Variants in SLCO1B1 observed in about 807,000 individuals in gnomAD.
SLCO1B1 encodes the protein OATP-2.
In SLCO1B1, 81 loss-of-function variants were observed where a neutral mutation model predicts 70.1. The ratio of observed to expected loss-of-function variants is 1.16; its 90% CI spans 0.97 to 1.39. The LOEUF (loss-of-function observed/expected upper bound fraction) is 1.39. Among genes scored for constraint, SLCO1B1 ranks in the 40% most tolerant of loss-of-function variants. The pLI, the probability that SLCO1B1 is intolerant of heterozygous loss-of-function variation, is 0.00. For synonymous variants in SLCO1B1, 283 were observed against 271.5 expected, an observed-to-expected ratio of 1.04 and a Z score of -0.42; for missense variants, 895 against 799.6, an observed-to-expected ratio of 1.12 and a Z score of -1.44.
chr12:21,180,952 GA>G (rs1940888517), intron 7 of SLCO1B1, among the ~76,000 whole-genome samples: 1 of 152,148 alleles, frequency 6.6e-6, no homozygotes, highest in South Asian at 2.1e-4. Flanking sequence ...TGATGAGTAT[GA>G]GCTTCACTTA....
intron 14 of SLCO1B1, among the ~76,000 whole-genome samples, chr12:21,228,913 G>A (rs1941505553): frequency 6.6e-6 from 1 of 151,662 alleles, no homozygotes; most frequent in African/African-American, 2.4e-5. Context: ...ACCCTCTTTG[G>A]GACTTACCAC....
intron 2 of SLCO1B1, among the ~76,000 whole-genome samples, chr12:21,154,595 T>C (rs186751043): frequency 2.4e-3 from 370 of 152,248 alleles, no homozygotes; most frequent in Admixed American, 3.2e-3. Flanking sequence ...TATGATGCTA[T>C]CTGGATTTTC....
chr12:21,202,520 G>A lies in SLCO1B1; in HGVS notation c.1165G>A (p.Gly389Arg). 1 of 1,604,262 alleles carries A rather than the reference G, an allele frequency of 6.2e-7. No individual in the cohort carries two copies. The highest frequency in any genetic ancestry group is 8.5e-7 in the Non-Finnish European group (1 of 1,176,248). Residue 389 changes from glycine (G) to arginine (R), a missense_variant, in exon 10 of 15, where the codon GGA (glycine) becomes AGA (arginine). Coordinates refer to ENST00000256958, the MANE Select transcript of SLCO1B1 (RefSeq NM_006446.5). ...CATAACCATACCTATTTTTGCAAGT[G>A]GAATGTTTTTAGGAGGATATATCAT... The part of the protein sequence containing the change: ...GVITIPIFAS[G>R]MFLGGYIIKK...
At chr12:21,161,785 A>G (rs1159290663) in intron 2 of SLCO1B1, among the ~76,000 whole-genome samples, 1 of 152,184 alleles carries the variant, frequency 6.6e-6, no homozygotes, top group African/African-American at 2.4e-5. Context: ...AGGTGGGCGA[A>G]TCACTTGAGG....
At chr12:21,165,490 G>T (rs1179651792) in intron 2 of SLCO1B1, among the ~76,000 whole-genome samples, 2 of 152,004 alleles carry the variant, frequency 1.3e-5, no homozygotes, top group African/African-American at 4.8e-5. Context: ...CCCAAGCTTA[G>T]AACAAGGCAA....
At chr12:21,139,245 T>C (rs1361082927) in intron 1 of SLCO1B1, among the ~76,000 whole-genome samples, 2 of 152,060 alleles carry the variant, frequency 1.3e-5, no homozygotes, top group Non-Finnish European at 1.5e-5. Context: ...TAGAAACAGA[T>C]ATTCATGGAA....
intron 14 of SLCO1B1, among the ~76,000 whole-genome samples, chr12:21,237,682 A>G (rs1405271979): frequency 6.6e-6 from 1 of 151,918 alleles, no homozygotes; most frequent in Non-Finnish European, 1.5e-5. Context: ...AATCTGTGAT[A>G]TAGTGTCTGA....
Position 21,180,619 on chromosome 12 carries a change from C to G in SLCO1B1, c.727+1599C>G, listed in dbSNP as rs137855662. 2.0e-4 allele frequency among the ~76,000 whole-genome samples: 31 copies of G among 152,274 alleles called. No homozygotes were observed. The East Asian group carries it at 5.8e-3, about 28-fold the overall frequency. On this transcript the variant is annotated intron_variant, in intron 7 of 14. Coordinates refer to ENST00000256958, the MANE Select transcript of SLCO1B1 (RefSeq NM_006446.5). ...TTCATTTCCAAGATGGGATAGACAT[C>G]ACAGTGGGCCAGCAACAGCCAAAAA...
chr12:21,174,486 C>G, intron 3 of SLCO1B1, 91 bp from the exon 4 acceptor site: 1 of 1,262,188 alleles, frequency 7.9e-7, no homozygotes, highest in Non-Finnish European at 1.1e-6. Flanking sequence ...GGCACTATGT[C>G]TTGGACTCTA....
chr12:21,204,378 T>G (rs1433971501), intron 10 of SLCO1B1, among the ~76,000 whole-genome samples: 1 of 152,016 alleles, frequency 6.6e-6, no homozygotes, highest in Non-Finnish European at 1.5e-5. Flanking sequence ...TATGTACTTT[T>G]GTGTATTAAA....
chr12:21,172,130 A>G (rs1940761903), intron 2 of SLCO1B1, among the ~76,000 whole-genome samples: 1 of 152,218 alleles, frequency 6.6e-6, no homozygotes, highest in Non-Finnish European at 1.5e-5. Context: ...TTTTATTAAC[A>G]TGAAATTGAC....
intron 1 of SLCO1B1, among the ~76,000 whole-genome samples, chr12:21,133,243 G>A (rs1940167438): frequency 6.6e-6 from 1 of 152,014 alleles, no homozygotes; most frequent in Non-Finnish European, 1.5e-5. Flanking sequence ...TAGCCTTGTA[G>A]TATAGTTTGA....
In SLCO1B1 at chr12:21,201,485, G is replaced by A. The variant is rs116568444; in HGVS notation, c.1135+813G>A. On this transcript the variant is annotated intron_variant, in intron 9 of 14. Coordinates refer to ENST00000256958, the MANE Select transcript of SLCO1B1 (RefSeq NM_006446.5). ...TCTTATTAGACAAAGATATGGAAAA[G>A]TTATAGGAGGGATTAAACATTATTA... Among the ~76,000 whole-genome samples the A allele has an allele frequency of 6.0e-3, 912 of 152,256 alleles. 14 individuals are homozygous for A. Among genetic ancestry groups the A allele is most frequent in the African/African-American group, 0.021 (885 of 41,566 alleles).
At chr12:21,214,993 C>T (rs1225949305) in intron 11 of SLCO1B1, among the ~76,000 whole-genome samples, 1 of 152,116 alleles carries the variant, frequency 6.6e-6, no homozygotes, top group Admixed American at 6.5e-5. Context: ...AACCCGGTAC[C>T]TCAGATGGAA....
At chr12:21,153,051 A>G (rs930275593) in intron 2 of SLCO1B1, among the ~76,000 whole-genome samples, 4 of 152,142 alleles carry the variant, frequency 2.6e-5, no homozygotes, top group Non-Finnish European at 5.9e-5. Context: ...GTTTCTGTTC[A>G]TGAGTCTCTA....
At position 21,176,804 on chromosome 12, in the gene SLCO1B1, A is replaced by C. The variant is rs2306283; in HGVS notation, c.388A>C (p.Asn130His). Residue 130 changes from asparagine (N) to histidine (H), a missense_variant, in exon 5 of 15, where the codon AAT becomes CAT. Coordinates refer to ENST00000256958, the MANE Select transcript of SLCO1B1 (RefSeq NM_006446.5). ...CAGGTATTCTAAAGAAACTAATATC[A>C]ATTCATCAGAAAATTCAACATCGAC... is the stretch of plus-strand genomic sequence containing the variant. ...YYRYSKETNINSSENSTSTLS... is the reference protein window; with the variant it reads ...YYRYSKETNIHSSENSTSTLS... 2 of 1,524,148 alleles carry C rather than the reference A, an allele frequency of 1.3e-6. No individual in the cohort carries two copies. The highest frequency in any genetic ancestry group is 1.8e-6 in the Non-Finnish European group (2 of 1,099,600). The allele number at this position is 1,524,148 out of a possible 1,614,324, so 94.4% of individuals were successfully genotyped here. A position where few individuals can be genotyped will look rare whatever the true frequency, so the allele number is the denominator to read the frequency against.
chr12:21,235,725 A>G (rs1194263692), intron 14 of SLCO1B1, among the ~76,000 whole-genome samples: 1 of 152,032 alleles, frequency 6.6e-6, no homozygotes, highest in Non-Finnish European at 1.5e-5. Context: ...CATTTTTTCT[A>G]AAACTGATCT....
chr12:21,214,251 C>T (rs1289734560), intron 11 of SLCO1B1, among the ~76,000 whole-genome samples: 1 of 151,930 alleles, frequency 6.6e-6, no homozygotes, highest in African/African-American at 2.4e-5. Flanking sequence ...GTGTGGATGT[C>T]GTTTCTGTTT....
At position 21,224,786 on chromosome 12, in the gene SLCO1B1, C is replaced by T. The variant is rs779508352; in HGVS notation, c.1812C>T (p.Thr604=). ...ATACAACGTGTATAAAGTGGTCCACCAACAACTGTGGCACACGTGGGTCAT... is the reference window on the plus strand; with the variant it reads ...ATACAACGTGTATAAAGTGGTCCACTAACAACTGTGGCACACGTGGGTCAT... ...LIDTTCIKWS[T]NNCGTRGSCR... Residue 604 remains threonine (T), a synonymous_variant, in exon 14 of 15, where the codon ACC becomes ACT. Coordinates refer to ENST00000256958, the MANE Select transcript of SLCO1B1 (RefSeq NM_006446.5). The T allele has an allele frequency of 9.3e-6, 15 of 1,611,724 alleles. No individual in the cohort carries two copies. Among genetic ancestry groups the T allele is most frequent in the Non-Finnish European group, 1.3e-5 (15 of 1,178,692 alleles).
Sources: gnomAD v4.1 joint callset for allele counts (sites outside exome capture counted in the v4.1 genomes callset) on GRCh38, gnomAD v4.1.1 for gene constraint, MANE v1.5 for transcripts, NCBI Gene and HGNC (gene_info 2026-07-23, HGNC 2026-07-21) for gene names.